Variants in ACAP3 observed in about 807,000 individuals in gnomAD.
The protein encoded by ACAP3 is arf-GAP with coiled-coil, ANK repeat and PH domain-containing protein 3.
ACAP3 carries 56 observed loss-of-function variants against 104.1 expected under a neutral mutation model. The observed-to-expected ratio is 0.54, with a 90% confidence interval of 0.43 to 0.67. The LOEUF (loss-of-function observed/expected upper bound fraction) is 0.67. Ranked by LOEUF, ACAP3 falls within the 30% of genes least tolerant of loss-of-function variation. The pLI, the probability that ACAP3 is intolerant of heterozygous loss-of-function variation, is 0.00. For missense variants in ACAP3, 1,208 were observed against 1,174.9 expected (o/e 1.03, Z -0.41); for synonymous variants, 628 against 496.2 (o/e 1.27, Z -3.53).
rs1276665114 is a variant in ACAP3, at chr1:1,293,591, G to T, written c.2478C>A (p.Phe826Leu). ...AGCTCTCTTCCAGGTGGAGGCTGAT[G>T]AACTCCTGGATACACCTGCGGAACT... is the stretch of plus-strand genomic sequence containing the variant. ...ELQFRRCIQE[F>L]ISLHLEES Residue 826 changes from phenylalanine to leucine, a missense_variant, in exon 24 of 24, where the codon TTC becomes TTA. Coordinates refer to ENST00000354700, the MANE Select transcript of ACAP3 (RefSeq NM_030649.3). 1.6e-5 allele frequency: 24 copies of T among 1,489,816 alleles called. No individual in the cohort carries two copies. Among genetic ancestry groups the T allele is most frequent in the Non-Finnish European group, 2.1e-5 (24 of 1,124,088 alleles). 92.3% of individuals were successfully genotyped at this position (1,489,816 alleles called of 1,614,324 possible).
At chr1:1,302,858 T>C in intron 4 of ACAP3, 64 bp downstream of exon 4, 1 of 1,337,222 alleles carries the variant, frequency 7.5e-7, no homozygotes, top group African/African-American at 1.7e-5. Context: ...GGCCTTCAGG[T>C]GAGCCAGCGC....
chr1:1,293,964 G>A (rs1347640131), intron 22 of ACAP3, 31 bp from the exon 23 acceptor site: 1 of 1,469,790 alleles, frequency 6.8e-7, no homozygotes, highest in Middle Eastern at 2.0e-4. Flanking sequence ...GGCGTGTCGG[G>A]GCGGGGCGGG....
chr1:1,299,136 T>C, intron 10 of ACAP3: 1 of 646,656 alleles, frequency 1.5e-6, no homozygotes, highest in South Asian at 2.0e-5. Flanking sequence ...CCAGGCCACA[T>C]GGGATGGGAA....
chr1:1,294,896 C>A, intron 19 of ACAP3, 80 bp from the exon 20 acceptor site: 1 of 1,432,062 alleles, frequency 7.0e-7, no homozygotes, highest in South Asian at 1.3e-5. Context: ...GCTGGAACTC[C>A]ACCCACCCTC....
At position 1,296,522 on chromosome 1, in the gene ACAP3, C is replaced by T. The variant is rs1641163303; in HGVS notation, c.1240G>A (p.Gly414Ser). 1.9e-6 allele frequency: 3 copies of T among 1,540,454 alleles called. No homozygotes were observed. Among genetic ancestry groups the T allele is most frequent in the Non-Finnish European group, 2.6e-6 (3 of 1,146,702 alleles). ...CCGCAGTCGCCGCACTGGCTGTTGCCGGCCACACTCTGCACACGCTGCAGC... is the reference window on the plus strand; with the variant it reads ...CCGCAGTCGCCGCACTGGCTGTTGCTGGCCACACTCTGCACACGCTGCAGC... ...SVLQRVQSVA[G>S]NSQCGDCGQP... Residue 414 changes from glycine to serine, a missense_variant, in exon 15 of 24, where the codon GGC (glycine) becomes AGC (serine). Transcript: ENST00000354700.
At chr1:1,300,933 A>C (rs1641416158) in intron 5 of ACAP3, among the ~76,000 whole-genome samples, 1 of 152,000 alleles carries the variant, frequency 6.6e-6, no homozygotes, top group Non-Finnish European at 1.5e-5. Flanking sequence ...CACCAGGCCT[A>C]ATTTTGTATT....
intron 1 of ACAP3, chr1:1,304,471 C>T (rs1641596122): frequency 4.2e-6 from 2 of 478,338 alleles, no homozygotes; most frequent in Non-Finnish European, 7.7e-6. Context: ...ACCCGCCTCT[C>T]CTCTAGGAGT....
At chr1:1,300,752 G>T in intron 5 of ACAP3, 60 bp from the exon 6 acceptor site, 1 of 1,537,434 alleles carries the variant, frequency 6.5e-7, no homozygotes, top group Non-Finnish European at 8.8e-7. Context: ...GGATCCTGGA[G>T]TCTCCCACAT....
In ACAP3 at chr1:1,304,161, C is replaced by T. The variant is rs1264670601; in HGVS notation, c.48-18G>A. The stretch of plus-strand genomic sequence containing the variant: ...TGGTCGCCCTAAAGCAAGAACGGGG[C>T]TGGCTGGGGTCACCTGCAGCCTCAG... On this transcript the variant is annotated intron_variant, in intron 1 of 23. Coordinates refer to ENST00000354700, the MANE Select transcript of ACAP3 (RefSeq NM_030649.3). 17 of 1,550,390 alleles carry T rather than the reference C, an allele frequency of 1.1e-5. No homozygotes were observed. The highest frequency in any genetic ancestry group is 1.5e-5 in the Non-Finnish European group (17 of 1,146,812).
rs1366790930 is a variant in ACAP3 at position 1,299,374 on chromosome 1, G to A, written c.739-18C>T. On this transcript the variant is annotated intron_variant, in intron 9 of 23. Transcript: ENST00000354700. Reference sequence around the variant, plus strand: ...AGCAGCGTCTGGAGGGCCGGAGCAGGAGGGGGTAGGGGGAGAAAGCCAGTG... The same window carrying A: ...AGCAGCGTCTGGAGGGCCGGAGCAGAAGGGGGTAGGGGGAGAAAGCCAGTG... The A allele has an allele frequency of 3.9e-6, 6 of 1,554,846 alleles. No homozygotes were observed. Among genetic ancestry groups the A allele is most frequent in the Non-Finnish European group, 4.4e-6 (5 of 1,149,256 alleles).
chr1:1,301,040 T>C (rs1283250412), intron 5 of ACAP3, among the ~76,000 whole-genome samples: 1 of 152,160 alleles, frequency 6.6e-6, no homozygotes, highest in Non-Finnish European at 1.5e-5. Flanking sequence ...GTGCTGGGAT[T>C]ACAGGCGTGA....
In ACAP3 at chr1:1,303,938, TA is replaced by T; in HGVS notation, c.105+147del. 2.1e-6 allele frequency: 2 copies of T among 946,708 alleles called. No homozygotes were observed. The highest frequency in any genetic ancestry group is 3.2e-6 in the Non-Finnish European group (2 of 630,630). 58.6% of individuals were successfully genotyped at this position (946,708 alleles called of 1,614,324 possible). On this transcript the variant is annotated intron_variant, in intron 2 of 23. Coordinates refer to ENST00000354700, the MANE Select transcript of ACAP3 (RefSeq NM_030649.3). The surrounding 1 kb of genome is among the most constrained non-coding windows in gnomAD (Gnocchi z 4.0). The stretch of plus-strand genomic sequence containing the variant: ...CATGTGCACCCTGGAACACACATGC[TA>T]AGACACAGGGACCAGGACCTGGAGC...
At position 1,301,968 on chromosome 1, in the gene ACAP3, CA is replaced by C; in HGVS notation, c.338+19del. ...GAGCGTGGCCTCAGTGTTCTTCCCC[CA>C]GCCCTGGGGGCCACTCACTCTTTGA... On this transcript the variant is annotated intron_variant, in intron 5 of 23. Coordinates refer to ENST00000354700, the MANE Select transcript of ACAP3 (RefSeq NM_030649.3). 6.5e-7 allele frequency: 1 copy of C among 1,549,444 alleles called. No homozygotes were observed. Among genetic ancestry groups the C allele is most frequent in the Non-Finnish European group, 8.7e-7 (1 of 1,145,830 alleles).
At chr1:1,304,275 C>G in intron 1 of ACAP3, 132 bp from the exon 2 acceptor site, 3 of 1,112,832 alleles carry the variant, frequency 2.7e-6, no homozygotes, top group Non-Finnish European at 3.9e-6. Context: ...GAGACAGACG[C>G]CTGCCTGCTA....
At chr1:1,297,980 C>T (rs545319094) in intron 13 of ACAP3, 33 bp downstream of exon 13, 26 of 1,610,734 alleles carry the variant, frequency 1.6e-5, no homozygotes, top group Non-Finnish European at 2.1e-5. Context: ...GGCAGGTACG[C>T]CCCCCGCCCC....
intron 1 of ACAP3, chr1:1,307,203 A>G: frequency 7.8e-7 from 1 of 1,287,388 alleles, no homozygotes; most frequent in Non-Finnish European, 1.0e-6. Context: ...CACGCCACGA[A>G]TGATGGAAAA....
chr1:1,298,910 C>T (rs1641319010), intron 10 of ACAP3: 8 of 572,216 alleles, frequency 1.4e-5, no homozygotes, highest in Middle Eastern at 4.6e-4. Context: ...AGCTGGGGGC[C>T]CGAGAGTGCC....
Position 1,307,848 on chromosome 1 carries a change from G to A in ACAP3, c.-33C>T, listed in dbSNP as rs1641813936. 2.9e-6 allele frequency: 3 copies of A among 1,023,164 alleles called. No homozygotes were observed. Among genetic ancestry groups the A allele is most frequent in the Admixed American group, 5.8e-5 (1 of 17,166 alleles). The allele number at this position is 1,023,164 out of a possible 1,614,324, so 63.4% of individuals were successfully genotyped here. On this transcript the variant is annotated 5_prime_UTR_variant, in exon 1 of 24. Coordinates refer to ENST00000354700, the MANE Select transcript of ACAP3 (RefSeq NM_030649.3). ...GCGGCCGCGGCGCTCACTGGCACGA[G>A]GACCGCGGCGCCGAGCGGCAGCCGC...
chr1:1,296,830 C>T (rs1006246000), intron 14 of ACAP3, among the ~76,000 whole-genome samples, 197 bp from the exon 15 acceptor site: 2 of 147,504 alleles, frequency 1.4e-5, no homozygotes, highest in Admixed American at 6.7e-5. Context: ...CACGCACACA[C>T]GCGCACACCC....
Sources: gnomAD v4.1 joint callset for allele counts (sites outside exome capture counted in the v4.1 genomes callset) on GRCh38, gnomAD v4.1.1 for gene constraint, Gnocchi (gnomAD v3.1) non-coding constraint, MANE v1.5 for transcripts, NCBI Gene and HGNC (gene_info 2026-07-23, HGNC 2026-07-21) for gene names.